The following PRR16 variants were observed in gnomAD, a reference collection of about 807,000 sequenced individuals.
PRR16 encodes protein Largen.
PRR16 carries 6 observed loss-of-function variants against 18.2 expected under a neutral mutation model. That is an observed-to-expected ratio of 0.33 (90% CI 0.18 to 0.65). PRR16 has a LOEUF of 0.65. Ranked by LOEUF, PRR16 falls within the 30% of genes least tolerant of loss-of-function variation. PRR16 has a pLI of 0.74. For synonymous variants in PRR16, 151 were observed against 147.8 expected (o/e 1.02, Z -0.16); for missense variants, 412 against 376.6 (o/e 1.09, Z -0.78).
At chr5:120,690,869 A>G (rs951735460), downstream of PRR16, among the ~76,000 whole-genome samples, 10 of 151,544 alleles carry the variant, frequency 6.6e-5, no homozygotes, top group Non-Finnish European at 1.3e-4. Flanking sequence ...TCTACTGGGG[A>G]AAAAAAAACC....
At chr5:120,744,892 G>T in the PRR16 span, among the ~76,000 whole-genome samples, 1 of 152,152 alleles carries the variant, frequency 6.6e-6, no homozygotes, top group Non-Finnish European at 1.5e-5. Context: ...AAACTAGTTG[G>T]AAAATTTGAA....
At chr5:120,554,523 C>T (rs1524576) in intron 1 of PRR16, among the ~76,000 whole-genome samples, 120,257 of 151,794 alleles carry the variant, frequency 0.79, 48,386 homozygotes, top group Non-Finnish European at 0.83. Flanking sequence ...GAAAAGGTAA[C>T]AATAAAATTG....
At chr5:120,634,837 C>A (rs1421373317) in intron 1 of PRR16, among the ~76,000 whole-genome samples, 1 of 151,790 alleles carries the variant, frequency 6.6e-6, no homozygotes, top group South Asian at 2.1e-4. Context: ...AAAGTTAGTT[C>A]TTTGAAAAGA....
chr5:120,481,302 T>G (rs773306383), intron 1 of PRR16: 1 of 444,932 alleles, frequency 2.2e-6, no homozygotes. Context: ...GGGTAAGTTT[T>G]GTATTTTTAG....
At chr5:120,565,193 A>G (rs1441033415) in intron 1 of PRR16, among the ~76,000 whole-genome samples, 1 of 151,850 alleles carries the variant, frequency 6.6e-6, no homozygotes, top group Non-Finnish European at 1.5e-5. Flanking sequence ...AAGCACTTTC[A>G]TGTTTTGGGG....
chr5:120,730,537 G>GAGC, the PRR16 span, among the ~76,000 whole-genome samples: 5 of 152,238 alleles, frequency 3.3e-5, no homozygotes, highest in African/African-American at 1.2e-4. Flanking sequence ...TCATGAAGAG[G>GAGC]AGCAGTGGAC....
At chr5:120,531,362 G>T in intron 1 of PRR16, 1 of 152,176 alleles carries the variant, frequency 6.6e-6, no homozygotes. Flanking sequence ...ATCTATAAAA[G>T]GATCGTTCGG....
At chr5:120,728,309 T>C in the PRR16 span, among the ~76,000 whole-genome samples, 1 of 136,894 alleles carries the variant, frequency 7.3e-6, no homozygotes, top group Non-Finnish European at 1.5e-5. Context: ...AAAAAGTTTA[T>C]TTTTTCAAAA....
At chr5:120,754,969 C>G in the PRR16 span, among the ~76,000 whole-genome samples, 3 of 139,854 alleles carry the variant, frequency 2.1e-5, no homozygotes, top group Admixed American at 2.4e-4. Flanking sequence ...GGAGAAAATG[C>G]TTGTGTTGAA....
intron 1 of PRR16, among the ~76,000 whole-genome samples, chr5:120,499,368 G>C (rs1206493674): frequency 6.6e-6 from 1 of 151,900 alleles, no homozygotes; most frequent in Admixed American, 6.6e-5. Context: ...AACTCTCCTA[G>C]AACTCCAGTG....
At chr5:120,552,931 T>A (rs982012321) in intron 1 of PRR16, among the ~76,000 whole-genome samples, 2 of 151,884 alleles carry the variant, frequency 1.3e-5, no homozygotes, top group Non-Finnish European at 2.9e-5. Context: ...AGCTTACCTC[T>A]GCAACTAACC....
At chr5:120,774,862 G>C in the PRR16 span, among the ~76,000 whole-genome samples, 2 of 152,060 alleles carry the variant, frequency 1.3e-5, no homozygotes, top group Non-Finnish European at 2.9e-5. Flanking sequence ...ATTTATAAGA[G>C]AGCAGGTCTA....
Position 120,518,531 on chromosome 5 carries a change from G to A in PRR16, c.159+53886G>A, listed in dbSNP as rs143654249. Among the ~76,000 whole-genome samples, 1,141 of 150,548 alleles carry A rather than the reference G, an allele frequency of 7.6e-3. 22 individuals carry two copies. The highest frequency in any genetic ancestry group is 0.027 in the African/African-American group (1,095 of 40,992). ...TTTACCTTCAGAGAAAGAAAATTGT[G>A]TTTGTGAGTTGAAAGGCTATCCTCA... On this transcript the variant is annotated intron_variant, in intron 1 of 1. Transcript: ENST00000407149.
chr5:120,481,906 C>A (rs890402884), intron 1 of PRR16, among the ~76,000 whole-genome samples: 4 of 152,122 alleles, frequency 2.6e-5, no homozygotes, highest in Non-Finnish European at 5.9e-5. Flanking sequence ...GATTTGGTCA[C>A]AATCTGTCAC....
intron 1 of PRR16, among the ~76,000 whole-genome samples, chr5:120,482,288 TC>T (rs1449847907): frequency 6.6e-6 from 1 of 152,058 alleles, no homozygotes; most frequent in Non-Finnish European, 1.5e-5. Context: ...GCTTCTTCTC[TC>T]CCCCCATTAG....
At chr5:120,700,207 G>A in the PRR16 span, among the ~76,000 whole-genome samples, 7 of 152,148 alleles carry the variant, frequency 4.6e-5, no homozygotes, top group Admixed American at 1.3e-4. Context: ...TGTAAGGCTT[G>A]TCTGGTTTTA....
chr5:120,742,880 C>T, the PRR16 span, among the ~76,000 whole-genome samples: 1 of 152,160 alleles, frequency 6.6e-6, no homozygotes, highest in Non-Finnish European at 1.5e-5. Context: ...AGGTTGCCCA[C>T]ATAACTTAGC....
chr5:120,562,254 AT>A (rs1752598790), intron 1 of PRR16, among the ~76,000 whole-genome samples: 1 of 151,610 alleles, frequency 6.6e-6, no homozygotes, highest in South Asian at 2.1e-4. Context: ...CTTTTTAAAT[AT>A]TTTTTTCTTG....
At chr5:120,486,546 GC>G (rs1337892084) in intron 1 of PRR16, among the ~76,000 whole-genome samples, 1 of 152,030 alleles carries the variant, frequency 6.6e-6, no homozygotes, top group Non-Finnish European at 1.5e-5. Context: ...CTGGATATTA[GC>G]CCTTTGTCAG....
Sources: allele counts gnomAD v4.1 joint callset (sites outside exome capture counted in the v4.1 genomes callset), GRCh38; gene constraint gnomAD v4.1.1; transcripts MANE v1.5; gene names NCBI Gene and HGNC (gene_info 2026-07-23, HGNC 2026-07-21).